STRBP: variants seen among roughly 807,000 people sequenced by gnomAD.
STRBP encodes spermatid perinuclear RNA binding protein, also known as spermatid perinuclear RNA-binding protein.
In STRBP, 13 loss-of-function variants were observed where a neutral mutation model predicts 80.1. The ratio of observed to expected loss-of-function variants is 0.16; its 90% confidence interval spans 0.11 to 0.26. STRBP has a LOEUF of 0.26. Among genes scored for constraint, STRBP ranks in the 10% least tolerant of loss-of-function variants. The pLI is 1.00. For missense variants in STRBP, 485 were observed against 815.2 expected (o/e 0.59, Z 4.93); for synonymous variants, 284 against 291.2 (o/e 0.98, Z 0.25).
In STRBP at chr9:123,219,139, GACAGAGA is replaced by G. The variant is rs1196836718; in HGVS notation, c.-165+17684_-165+17690del. Among the ~76,000 whole-genome samples, 86 of 152,234 alleles carry G rather than the reference GACAGAGA, an allele frequency of 5.6e-4. 1 individual carries two copies. The highest frequency in any genetic ancestry group is 3.4e-3 in the Middle Eastern group (1 of 294). ...TACAAGGGCTCCCTATGCCCTAAAA[GACAGAGA>G]ACAGGAGTTTGCAATCTCCATAATG... On this transcript the variant is annotated intron_variant, in intron 2 of 18. Transcript: ENST00000348403.
At chr9:123,145,104 TAAG>T (rs1237644624) in intron 13 of STRBP, among the ~76,000 whole-genome samples, 1 of 152,142 alleles carries the variant, frequency 6.6e-6, no homozygotes, top group Non-Finnish European at 1.5e-5. Context: ...TAAATAAAAG[TAAG>T]AAGGTCATCT....
chr9:123,228,208 T>G (rs977068050), intron 2 of STRBP, among the ~76,000 whole-genome samples: 2 of 151,930 alleles, frequency 1.3e-5, no homozygotes, highest in African/African-American at 4.8e-5. Flanking sequence ...AGAAAAGGAG[T>G]TGGGTTTTAG....
chr9:123,128,074 C>A, intron 18 of STRBP, 140 bp downstream of exon 18: 1 of 1,061,222 alleles, frequency 9.4e-7, no homozygotes. Flanking sequence ...GTGGCATTTT[C>A]AAAAGGAATT....
At chr9:123,245,307 A>G (rs1016749834) in intron 1 of STRBP, among the ~76,000 whole-genome samples, 1 of 152,374 alleles carries the variant, frequency 6.6e-6, no homozygotes, top group African/African-American at 2.4e-5. Context: ...AAAAATCCAG[A>G]TGCTTAGGTA....
At chr9:123,230,598 T>C (rs918526521) in intron 2 of STRBP, among the ~76,000 whole-genome samples, 4 of 152,212 alleles carry the variant, frequency 2.6e-5, no homozygotes, top group African/African-American at 9.6e-5. Flanking sequence ...TACAGCTATC[T>C]GCCTTCCAGA....
chr9:123,130,377 C>T (rs1008291758), intron 17 of STRBP, among the ~76,000 whole-genome samples: 1 of 152,120 alleles, frequency 6.6e-6, no homozygotes, highest in African/African-American at 2.4e-5. Context: ...CTTCGGGACA[C>T]AGGCCTTTCA....
intron 16 of STRBP, among the ~76,000 whole-genome samples, chr9:123,135,621 T>C (rs4836913): frequency 0.078 from 11,840 of 152,018 alleles, 1,625 homozygotes; most frequent in East Asian, 0.61. Flanking sequence ...AAATAAACAA[T>C]GCAAAAGCAC....
At chr9:123,141,118 C>T (rs2036574334) in intron 13 of STRBP, among the ~76,000 whole-genome samples, 1 of 152,128 alleles carries the variant, frequency 6.6e-6, no homozygotes, top group Non-Finnish European at 1.5e-5. Flanking sequence ...ATAATAGGTG[C>T]TCCAAAAAAT....
Position 123,146,859 on chromosome 9 carries a change from A to G in STRBP, c.1334T>C (p.Val445Ala). ...AAAGTAAAACAAATACTGTACCTTC[A>G]CCGCTACGTGAAGTTTTGCTGTTTT... ...SKKTAKLHVA[V>A]KVLQAMGYPT... The change falls in exon 13 of 19, where the codon GTG becomes GCG. Residue 445 changes from valine (V) to alanine (A), a missense_variant. By Grantham distance (64) the Val-to-Ala change is moderately conservative. Coordinates refer to ENST00000348403, the MANE Select transcript of STRBP (RefSeq NM_018387.5). 1 of 1,610,756 alleles carries G rather than the reference A, an allele frequency of 6.2e-7. No homozygotes were observed. Among genetic ancestry groups the G allele is most frequent in the Non-Finnish European group, 8.5e-7 (1 of 1,177,684 alleles).
chr9:123,169,889 T>C lies in STRBP; in HGVS notation c.535+13A>G. ...AAATATATACATATATATATATATA[T>C]ATACATGTGTACCTCCATCCTTCTT... On this transcript the variant is annotated intron_variant, in intron 6 of 18. Coordinates refer to ENST00000348403, the MANE Select transcript of STRBP (RefSeq NM_018387.5). 7.1e-7 allele frequency: 1 copy of C among 1,402,890 alleles called. No homozygotes were observed. 86.9% of individuals were successfully genotyped at this position (1,402,890 alleles called of 1,614,324 possible).
chr9:123,211,918 T>C (rs2039723657), intron 2 of STRBP, among the ~76,000 whole-genome samples: 1 of 152,142 alleles, frequency 6.6e-6, no homozygotes. Context: ...TTCCATAATC[T>C]ATAGAAAATA....
At chr9:123,194,068 T>G (rs994003981) in intron 2 of STRBP, among the ~76,000 whole-genome samples, 11 of 152,176 alleles carry the variant, frequency 7.2e-5, no homozygotes, top group African/African-American at 2.7e-4. Context: ...TCCTGCCGTG[T>G]CCAAGATCTG....
At chr9:123,262,009 C>T (rs1366092374) in intron 1 of STRBP, among the ~76,000 whole-genome samples, 1 of 152,188 alleles carries the variant, frequency 6.6e-6, no homozygotes, top group Non-Finnish European at 1.5e-5. Flanking sequence ...TACAAACCAA[C>T]CACTTATTTA....
chr9:123,175,270 T>C (rs1013848478), intron 4 of STRBP, among the ~76,000 whole-genome samples: 1 of 152,146 alleles, frequency 6.6e-6, no homozygotes, highest in African/African-American at 2.4e-5. Flanking sequence ...AGGTCAAAAT[T>C]AGAGATGTCA....
Position 123,217,924 on chromosome 9 carries a change from C to T in STRBP, c.-165+18906G>A, listed in dbSNP as rs1281643309. ...GTCCAGATATTTCAATGGCTTTATACAATTTCTCTTCAAATAAAATTTTAA... is the reference window on the plus strand; with the variant it reads ...GTCCAGATATTTCAATGGCTTTATATAATTTCTCTTCAAATAAAATTTTAA... On this transcript the variant is annotated intron_variant, in intron 2 of 18. Transcript: ENST00000348403. Among the ~76,000 whole-genome samples the T allele has an allele frequency of 5.3e-5, 8 of 152,228 alleles. No homozygotes were observed. In the East Asian group the frequency reaches 9.6e-4, roughly 18 times the overall value.
chr9:123,236,199 A>C (rs2040557088), intron 2 of STRBP, among the ~76,000 whole-genome samples: 1 of 152,228 alleles, frequency 6.6e-6, no homozygotes, highest in Non-Finnish European at 1.5e-5. Flanking sequence ...TGGTTTTATC[A>C]CATAGTACAG....
intron 2 of STRBP, among the ~76,000 whole-genome samples, chr9:123,210,448 AAGAAAAAAAC>A (rs1334049303): frequency 1.3e-5 from 2 of 152,106 alleles, no homozygotes; most frequent in African/African-American, 2.4e-5. Context: ...GGAGTAGGAT[AAGAAAAAAAC>A]AGAAAAAAAA....
intron 13 of STRBP, among the ~76,000 whole-genome samples, chr9:123,140,265 C>A (rs1211437526): frequency 6.6e-6 from 1 of 152,202 alleles, no homozygotes; most frequent in Non-Finnish European, 1.5e-5. Context: ...AAACTTTCTA[C>A]TTTGCTTCCA....
intron 1 of STRBP, among the ~76,000 whole-genome samples, chr9:123,268,219 G>A (rs2041320078): frequency 6.6e-6 from 1 of 151,636 alleles, no homozygotes; most frequent in African/African-American, 2.4e-5. Context: ...CCGGGGCACC[G>A]CAGCGGCGGC....
Sources: gnomAD v4.1 joint callset for allele counts (sites outside exome capture counted in the v4.1 genomes callset) on GRCh38, gnomAD v4.1.1 for gene constraint, MANE v1.5 for transcripts, NCBI Gene and HGNC (gene_info 2026-07-23, HGNC 2026-07-21) for gene names.